TBCA: variants seen among roughly 807,000 people sequenced by gnomAD.
The protein encoded by TBCA is tubulin-specific chaperone A.
A neutral mutation model predicts 15.8 loss-of-function variants in TBCA; 6 were observed. That is an observed-to-expected ratio of 0.38 (90% CI 0.21 to 0.75). The LOEUF is 0.75. TBCA is among the 30% of genes least tolerant of loss of function. The pLI is 0.46. For missense variants in TBCA, 90 were observed against 131.2 expected, an observed-to-expected ratio of 0.69 and a Z score of 1.53; for synonymous variants, 32 against 42.3, an observed-to-expected ratio of 0.76 and a Z score of 0.94.
At chr5:77,705,520 G>A (rs533542674) in intron 2 of TBCA, 1 of 398,278 alleles carries the variant, frequency 2.5e-6, no homozygotes, top group East Asian at 3.6e-5. Flanking sequence ...CTTATGAAGG[G>A]TCGTTAGTTC....
chr5:77,705,514 T>A (rs1055644138), intron 2 of TBCA: 4 of 398,412 alleles, frequency 1.0e-5, no homozygotes, highest in African/African-American at 6.2e-5. Context: ...TAAATCCTTA[T>A]GAAGGGTCGT....
intron 1 of TBCA, among the ~76,000 whole-genome samples, chr5:77,755,784 C>T (rs1436173813): frequency 6.6e-6 from 1 of 151,966 alleles, no homozygotes; most frequent in Non-Finnish European, 1.5e-5. Flanking sequence ...GAGGGCAGAT[C>T]ACCTGAAGTT....
At chr5:77,716,538 C>G (rs1420042911) in intron 1 of TBCA, among the ~76,000 whole-genome samples, 1 of 152,128 alleles carries the variant, frequency 6.6e-6, no homozygotes, top group Non-Finnish European at 1.5e-5. Flanking sequence ...CCAAGGCATG[C>G]TAAATGCCAT....
intron 1 of TBCA, among the ~76,000 whole-genome samples, chr5:77,714,263 T>C (rs1447761229): frequency 6.6e-6 from 1 of 151,992 alleles, no homozygotes; most frequent in African/African-American, 2.4e-5. Context: ...GAGGCTGCAG[T>C]GAGCCAAGAT....
At chr5:77,705,041 G>T (rs1473539036) in intron 2 of TBCA, among the ~76,000 whole-genome samples, 10 of 152,058 alleles carry the variant, frequency 6.6e-5, no homozygotes, top group Admixed American at 5.9e-4. Context: ...TGTGTGGCTG[G>T]TATTTTCAAA....
intron 1 of TBCA, among the ~76,000 whole-genome samples, chr5:77,722,482 C>A (rs1032919647): frequency 6.6e-6 from 1 of 151,882 alleles, no homozygotes; most frequent in Non-Finnish European, 1.5e-5. Flanking sequence ...TTTGGAAATA[C>A]CAAATTCCAA....
chr5:77,711,430 C>A (rs1389346967), intron 1 of TBCA, among the ~76,000 whole-genome samples: 1 of 152,108 alleles, frequency 6.6e-6, no homozygotes, highest in African/African-American at 2.4e-5. Flanking sequence ...ACACCGAAGC[C>A]ATTTACTTGC....
chr5:77,757,666 G>A lies in TBCA; in HGVS notation c.53+18539C>T, dbSNP rs888688832. On this transcript the variant is annotated intron_variant, in intron 1 of 3. Coordinates refer to ENST00000380377, the MANE Select transcript of TBCA (RefSeq NM_004607.3). ...CCAAGCACCAATAGATTTGTCAAAG[G>A]TCAGAGCCACCTCCACTCAGAATCC... Among the ~76,000 whole-genome samples, 7 of 152,104 alleles carry A rather than the reference G, an allele frequency of 4.6e-5. 1 individual carries two copies. The highest frequency in any genetic ancestry group is 3.9e-4 in the Admixed American group (6 of 15,266).
At chr5:77,772,607 T>C (rs891346916) in intron 1 of TBCA, among the ~76,000 whole-genome samples, 1 of 152,196 alleles carries the variant, frequency 6.6e-6, no homozygotes, top group Non-Finnish European at 1.5e-5. Context: ...GATGGTGATA[T>C]ACCAAGGCAA....
chr5:77,748,384 G>A (rs1349942951), intron 1 of TBCA, among the ~76,000 whole-genome samples: 1 of 151,412 alleles, frequency 6.6e-6, no homozygotes, highest in Non-Finnish European at 1.5e-5. Context: ...AGATATGGAG[G>A]GGGAGAGAGG....
intron 1 of TBCA, among the ~76,000 whole-genome samples, chr5:77,749,245 C>T (rs1391631873): frequency 6.6e-6 from 1 of 152,218 alleles, no homozygotes; most frequent in African/African-American, 2.4e-5. Context: ...AGTGTCAACA[C>T]TGAGTGAGTC....
chr5:77,698,169 G>GAA (rs70991304), intron 2 of TBCA, among the ~76,000 whole-genome samples: 1 of 128,570 alleles, frequency 7.8e-6, no homozygotes, highest in Non-Finnish European at 1.6e-5. Context: ...TTCTTGAAAA[G>GAA]AAAAAAAAAA....
chr5:77,715,263 GA>G, intron 1 of TBCA: 2 of 702,232 alleles, frequency 2.8e-6, no homozygotes, highest in Middle Eastern at 2.3e-4. Context: ...AATTGAAGAC[GA>G]AAACCAAGAA....
intron 2 of TBCA, chr5:77,694,163 GAA>G (rs1047952238): frequency 1.3e-5 from 2 of 152,204 alleles, no homozygotes; most frequent in African/African-American, 2.4e-5. Flanking sequence ...GGTTCACACT[GAA>G]AGAGAGAGGT....
At chr5:77,703,337 T>C (rs1410827541) in intron 2 of TBCA, among the ~76,000 whole-genome samples, 1 of 152,018 alleles carries the variant, frequency 6.6e-6, no homozygotes, top group South Asian at 2.1e-4. Flanking sequence ...CCAGGATAGG[T>C]TGAAAAACAA....
At chr5:77,772,470 T>TA (rs1174995964) in intron 1 of TBCA, among the ~76,000 whole-genome samples, 1 of 151,538 alleles carries the variant, frequency 6.6e-6, no homozygotes, top group East Asian at 1.9e-4. Flanking sequence ...GAACTTAAAG[T>TA]AAAATAAAAA....
intron 1 of TBCA, among the ~76,000 whole-genome samples, chr5:77,750,551 T>C (rs1343180623): frequency 3.3e-5 from 5 of 152,168 alleles, no homozygotes; most frequent in Non-Finnish European, 5.9e-5. Context: ...GAAGTAAAAC[T>C]AGTCTGAGTT....
At chr5:77,698,420 TAATC>T (rs1745924847) in intron 2 of TBCA, among the ~76,000 whole-genome samples, 1 of 152,230 alleles carries the variant, frequency 6.6e-6, no homozygotes, top group Non-Finnish European at 1.5e-5. Context: ...ATAGTCCTAT[TAATC>T]AATCACTACA....
chr5:77,691,512 C>A lies in TBCA; in HGVS notation c.247-14G>T. On this transcript the variant is annotated splice_polypyrimidine_tract_variant and intron_variant, in intron 3 of 3. Transcript: ENST00000380377. ...TTTTTCATTTTCCTAAAATGAAATA[C>A]AATAAAAATTAAGTTTATCCTTTTC... 1 of 1,570,614 alleles carries A rather than the reference C, an allele frequency of 6.4e-7. No individual in the cohort carries two copies. The highest frequency in any genetic ancestry group is 8.6e-7 in the Non-Finnish European group (1 of 1,160,832).
Sources: allele counts gnomAD v4.1 joint callset (sites outside exome capture counted in the v4.1 genomes callset), GRCh38; gene constraint gnomAD v4.1.1; transcripts MANE v1.5; gene names NCBI Gene and HGNC (gene_info 2026-07-23, HGNC 2026-07-21).